SMYD3: variants seen among roughly 807,000 people sequenced by gnomAD.
The protein encoded by SMYD3 is histone-lysine N-methyltransferase SMYD3.
In SMYD3, 36 loss-of-function variants were observed where a neutral mutation model predicts 57.7. That is an observed-to-expected ratio of 0.62 (90% CI 0.48 to 0.82). The LOEUF is 0.82. Among genes scored for constraint, SMYD3 ranks in the 40% least tolerant of loss-of-function variants. The pLI, the probability that SMYD3 is intolerant of heterozygous loss-of-function variation, is 0.00. For missense variants in SMYD3, 515 were observed against 538.8 expected, an observed-to-expected ratio of 0.96 and a Z score of 0.44; for synonymous variants, 211 against 195.0, an observed-to-expected ratio of 1.08 and a Z score of -0.68.
intron 5 of SMYD3, among the ~76,000 whole-genome samples, chr1:246,263,966 C>T (rs2064058691): frequency 6.6e-6 from 1 of 152,100 alleles, no homozygotes; most frequent in African/African-American, 2.4e-5. Flanking sequence ...GATGCCTACA[C>T]AACCAACAAA....
chr1:245,952,362 A>T (rs1421957014), intron 5 of SMYD3, among the ~76,000 whole-genome samples: 1 of 152,226 alleles, frequency 6.6e-6, no homozygotes, highest in Non-Finnish European at 1.5e-5. Context: ...ATGACAAAAA[A>T]GTTACAAAGA....
chr1:245,969,972 A>T (rs546997335), intron 5 of SMYD3, among the ~76,000 whole-genome samples: 1 of 149,510 alleles, frequency 6.7e-6, no homozygotes, highest in Admixed American at 6.7e-5. Flanking sequence ...CTTAAATTTC[A>T]TATGGAGCCC....
intron 7 of SMYD3, 88 bp from the exon 8 acceptor site, chr1:245,915,728 G>T: frequency 1.2e-6 from 1 of 832,904 alleles, no homozygotes; most frequent in Non-Finnish European, 1.8e-6. Flanking sequence ...AATTATTGGA[G>T]TAAAACTTGT....
At chr1:245,854,002 T>C (rs1251655864) in intron 10 of SMYD3, among the ~76,000 whole-genome samples, 1 of 152,184 alleles carries the variant, frequency 6.6e-6, no homozygotes, top group Non-Finnish European at 1.5e-5. Context: ...CTTAAGTCTC[T>C]TCATCATTCT....
At chr1:245,816,757 T>G (rs996049759) in intron 10 of SMYD3, among the ~76,000 whole-genome samples, 8 of 151,788 alleles carry the variant, frequency 5.3e-5, no homozygotes, top group Non-Finnish European at 7.4e-5. Flanking sequence ...GGTCAGGGAG[T>G]TCCCTTTCCT....
intron 5 of SMYD3, among the ~76,000 whole-genome samples, chr1:246,283,882 A>AG (rs767469603): frequency 2.0e-5 from 3 of 152,210 alleles, no homozygotes; most frequent in Non-Finnish European, 2.9e-5. Flanking sequence ...CACAACCTTC[A>AG]GGTACACCAT....
chr1:245,862,330 ATGT>A (rs2051594709), intron 9 of SMYD3, among the ~76,000 whole-genome samples: 2 of 152,110 alleles, frequency 1.3e-5, no homozygotes, highest in African/African-American at 2.4e-5. Flanking sequence ...ATACTCTTAA[ATGT>A]TGTTAAATTT....
chr1:246,431,507 A>T (rs1318167357), intron 1 of SMYD3, among the ~76,000 whole-genome samples: 1 of 152,192 alleles, frequency 6.6e-6, no homozygotes, highest in South Asian at 2.1e-4. Context: ...AGGTGGGTGG[A>T]TGGCTTGAAG....
chr1:246,274,305 C>G (rs896198553), intron 5 of SMYD3, among the ~76,000 whole-genome samples: 2 of 152,138 alleles, frequency 1.3e-5, no homozygotes, highest in Non-Finnish European at 2.9e-5. Flanking sequence ...TTTTACAAAC[C>G]TCTGATGTAT....
Position 246,218,482 on chromosome 1 carries a change from G to A in SMYD3, c.531+108719C>T, listed in dbSNP as rs183720335. On this transcript the variant is annotated intron_variant, in intron 5 of 11. Transcript: ENST00000490107. ...ACTAAAAATACAAAAAATTAGCCAG[G>A]GGGTGGCGGGCGGCTGTAGTCCCAG... Among the ~76,000 whole-genome samples the A allele has an allele frequency of 2.2e-3, 339 of 152,206 alleles. 4 individuals carry two copies. Among genetic ancestry groups the A allele is most frequent in the African/African-American group, 7.8e-3 (325 of 41,492 alleles).
chr1:245,966,891 G>A (rs2058166529), intron 5 of SMYD3, among the ~76,000 whole-genome samples: 1 of 152,040 alleles, frequency 6.6e-6, no homozygotes, highest in South Asian at 2.1e-4. Flanking sequence ...TCCCCCCTCA[G>A]GACCTCACTT....
At chr1:246,314,940 C>A (rs115322160) in intron 5 of SMYD3, among the ~76,000 whole-genome samples, 4,923 of 152,306 alleles carry the variant, frequency 0.032, 88 homozygotes, top group Non-Finnish European at 0.046. Flanking sequence ...CTTCTGTTTG[C>A]TGTATCACAT....
At chr1:246,192,616 A>G (rs895983730) in intron 5 of SMYD3, among the ~76,000 whole-genome samples, 1 of 152,216 alleles carries the variant, frequency 6.6e-6, no homozygotes, top group Non-Finnish European at 1.5e-5. Context: ...ATAAAATAAA[A>G]TCCAAAATTA....
rs570988261 is a variant in SMYD3, at chr1:246,030,756, C to T, written c.532-100819G>A. Among the ~76,000 whole-genome samples, 46 of 152,230 alleles carry T rather than the reference C, an allele frequency of 3.0e-4. No homozygotes were observed. The South Asian group carries it at 8.5e-3, about 28-fold the overall frequency. On this transcript the variant is annotated intron_variant, in intron 5 of 11. Transcript: ENST00000490107. ...GTCACATAGATCATAAATACAAACC[C>T]GCACACAAATTACGTTATTTACTAT...
chr1:245,790,991 G>A (rs1184194270), intron 10 of SMYD3, among the ~76,000 whole-genome samples: 1 of 152,050 alleles, frequency 6.6e-6, no homozygotes, highest in East Asian at 1.9e-4. Flanking sequence ...TTTTGTGACT[G>A]TGGATGTGAA....
chr1:246,370,655 G>C (rs2066179270), intron 1 of SMYD3, among the ~76,000 whole-genome samples: 1 of 152,126 alleles, frequency 6.6e-6, no homozygotes, highest in Admixed American at 6.5e-5. Flanking sequence ...GAGGCTGCTG[G>C]GTGTATTCTC....
chr1:245,938,532 T>G (rs1415166587), intron 5 of SMYD3, among the ~76,000 whole-genome samples: 1 of 152,206 alleles, frequency 6.6e-6, no homozygotes, highest in Non-Finnish European at 1.5e-5. Context: ...CCAGGTATGC[T>G]CCTTTATTTT....
intron 8 of SMYD3, among the ~76,000 whole-genome samples, chr1:245,866,827 A>T (rs12030943): frequency 0.58 from 87,419 of 152,024 alleles, 27,638 homozygotes; most frequent in Non-Finnish European, 0.73. Context: ...CCTCTCCTGC[A>T]CCAAAGCCTT....
intron 5 of SMYD3, among the ~76,000 whole-genome samples, chr1:246,058,642 C>A (rs2060197073): frequency 6.6e-6 from 1 of 152,128 alleles, no homozygotes; most frequent in African/African-American, 2.4e-5. Flanking sequence ...TTGAGGAAAG[C>A]TTTTTATAGC....
Sources: gnomAD v4.1 joint callset for allele counts (sites outside exome capture counted in the v4.1 genomes callset) on GRCh38, gnomAD v4.1.1 for gene constraint, MANE v1.5 for transcripts, NCBI Gene and HGNC (gene_info 2026-07-23, HGNC 2026-07-21) for gene names.